SLC44A3: variants seen among roughly 807,000 people sequenced by gnomAD.
SLC44A3 encodes the protein choline transporter-like protein 3.
In SLC44A3, 74 loss-of-function variants were observed where a neutral mutation model predicts 75.4. The observed-to-expected ratio is 0.98, with a 90% CI of 0.81 to 1.19. The LOEUF (loss-of-function observed/expected upper bound fraction) is 1.19. Among genes scored for constraint, SLC44A3 ranks in the 50% most tolerant of loss-of-function variants. SLC44A3 has a pLI of 0.00. For synonymous variants in SLC44A3, 310 were observed against 296.9 expected (o/e 1.04, Z -0.45); for missense variants, 700 against 778.6 (o/e 0.90, Z 1.20).
rs199881016 is a variant in SLC44A3, at chr1:94,842,044, G to A, written c.805G>A (p.Asp269Asn). The A allele has an allele frequency of 2.4e-4, 385 of 1,613,212 alleles. 3 individuals are homozygous for A. Among genetic ancestry groups the A allele is most frequent in the Non-Finnish European group, 2.3e-5 (27 of 1,179,730 alleles). The change falls in exon 8 of 15, where the codon GAC (aspartate) becomes AAC (asparagine). Residue 269 changes from aspartate (D) to asparagine (N), a missense_variant. Transcript: ENST00000271227. ...LWWLYYDYTN[D>N]LSIELDTERE... ...GTGGCTGTATTATGACTATACCAAC[G>A]ACCTCAGCATAGAATTGGACACAGA...
At position 94,839,833 on chromosome 1, in the gene SLC44A3, T is replaced by C. The variant is rs183952815; in HGVS notation, c.671-115T>C. The C allele has an allele frequency of 6.2e-5, 47 of 761,648 alleles. 2 individuals are homozygous for C. The highest frequency in any genetic ancestry group is 5.7e-4 in the Admixed American group (28 of 48,840). 47.2% of individuals were successfully genotyped at this position (761,648 alleles called of 1,614,324 possible). Reference sequence around the variant, plus strand: ...GTAGATATCCCAAGATATTTAGAGATTGAATACAATCCTCAGCCGTCACTG... The same window carrying C: ...GTAGATATCCCAAGATATTTAGAGACTGAATACAATCCTCAGCCGTCACTG... On this transcript the variant is annotated intron_variant, in intron 6 of 14. Coordinates refer to ENST00000271227, the MANE Select transcript of SLC44A3 (RefSeq NM_001114106.3).
intron 14 of SLC44A3, 115 bp downstream of exon 14, chr1:94,892,632 G>A: frequency 9.6e-7 from 1 of 1,038,614 alleles, no homozygotes. Flanking sequence ...AGAGGGCTCT[G>A]AGGCTTCTAC....
At chr1:94,845,185 G>T (rs918147941) in intron 8 of SLC44A3, 93 bp from the exon 9 acceptor site, 218 of 1,302,954 alleles carry the variant, frequency 1.7e-4, no homozygotes, top group Non-Finnish European at 2.0e-4. Context: ...AGAGCTGTTT[G>T]CTGAGATGTC....
chr1:94,886,626 TG>T (rs962678874), intron 12 of SLC44A3, among the ~76,000 whole-genome samples: 1 of 152,134 alleles, frequency 6.6e-6, no homozygotes, highest in Non-Finnish European at 1.5e-5. Context: ...CTCCAGCTTG[TG>T]GTTCTGCTCT....
At chr1:94,857,809 C>CTTTTTTTTTTTT (rs34204401) in intron 10 of SLC44A3, among the ~76,000 whole-genome samples, 1 of 63,966 alleles carries the variant, frequency 1.6e-5, no homozygotes, top group Non-Finnish European at 3.0e-5. Flanking sequence ...ATGGAGTAGC[C>CTTTTTTTTTTTT]TTTTTTTTTT....
intron 5 of SLC44A3, among the ~76,000 whole-genome samples, chr1:94,833,660 C>A (rs1234685654): frequency 6.6e-6 from 1 of 152,086 alleles, no homozygotes; most frequent in Non-Finnish European, 1.5e-5. Context: ...GTGGCTCAGA[C>A]CTTAAGCCAG....
chr1:94,877,889 G>T (rs6659359), intron 12 of SLC44A3, among the ~76,000 whole-genome samples: 16,480 of 152,034 alleles, frequency 0.11, 1,031 homozygotes, highest in African/African-American at 0.17. Context: ...GTGGAGAGGG[G>T]TGCTCTGGGT....
At chr1:94,856,826 G>T (rs1665933231) in intron 9 of SLC44A3, among the ~76,000 whole-genome samples, 1 of 152,072 alleles carries the variant, frequency 6.6e-6, no homozygotes, top group Non-Finnish European at 1.5e-5. Context: ...CGCCTCCCAG[G>T]TTCAAGAGAT....
chr1:94,865,489 A>G (rs1327916946), intron 11 of SLC44A3, among the ~76,000 whole-genome samples: 1 of 152,154 alleles, frequency 6.6e-6, no homozygotes, highest in East Asian at 1.9e-4. Flanking sequence ...GCTGACCTAC[A>G]TCTCAGCTCA....
intron 12 of SLC44A3, among the ~76,000 whole-genome samples, chr1:94,885,473 G>A (rs1426313703): frequency 2.0e-5 from 3 of 152,144 alleles, no homozygotes. Flanking sequence ...GAGGCAACAT[G>A]ACTGGAATCC....
Position 94,892,388 on chromosome 1 carries a change from C to T in SLC44A3, c.1728C>T (p.Tyr576=), listed in dbSNP as rs372276610. 1.9e-6 allele frequency: 3 copies of T among 1,614,158 alleles called. No homozygotes were observed. Among genetic ancestry groups the T allele is most frequent in the African/African-American group, 1.3e-5 (1 of 75,034 alleles). ...VPLLLVAFFA[Y]LVAHSFLSVF... is the part of the protein sequence containing the mutation. ...TGTTATTGGTAGCTTTTTTTGCCTA[C>T]TTAGTAGCCCATAGTTTTTTATCTG... Residue 576 remains tyrosine, a synonymous_variant, in exon 14 of 15, where the codon TAC becomes TAT. Coordinates refer to ENST00000271227, the MANE Select transcript of SLC44A3 (RefSeq NM_001114106.3).
At chr1:94,828,008 A>C (rs1484470155) in intron 4 of SLC44A3, among the ~76,000 whole-genome samples, 1 of 152,202 alleles carries the variant, frequency 6.6e-6, no homozygotes, top group East Asian at 1.9e-4. Flanking sequence ...ATGTACGTGC[A>C]GGCTGCGCGT....
chr1:94,892,581 C>T, intron 14 of SLC44A3, 64 bp downstream of exon 14: 1 of 1,492,590 alleles, frequency 6.7e-7, no homozygotes, highest in Non-Finnish European at 9.3e-7. Flanking sequence ...TTTTGTAAAG[C>T]TGCACACACG....
In SLC44A3 at chr1:94,842,758, G is replaced by A. The variant is rs1441733245; in HGVS notation, c.885+634G>A. 4.6e-5 allele frequency among the ~76,000 whole-genome samples: 7 copies of A among 152,336 alleles called. No homozygotes were observed. In the East Asian group the frequency reaches 7.7e-4, roughly 17 times the overall value. The stretch of plus-strand genomic sequence containing the variant: ...CACTGGCTTCAGGTCCCCCAGAGTC[G>A]TCGTTGCTGGTGTGTTGCTTACTGA... On this transcript the variant is annotated intron_variant, in intron 8 of 14. Coordinates refer to ENST00000271227, the MANE Select transcript of SLC44A3 (RefSeq NM_001114106.3).
chr1:94,859,530 GA>G (rs1452531026), intron 10 of SLC44A3, among the ~76,000 whole-genome samples: 1 of 152,230 alleles, frequency 6.6e-6, no homozygotes. Flanking sequence ...GTGAGCCACA[GA>G]ATCCCAGAGA....
intron 12 of SLC44A3, among the ~76,000 whole-genome samples, chr1:94,871,966 G>A (rs367930242): frequency 8.2e-4 from 125 of 152,318 alleles, no homozygotes; most frequent in Non-Finnish European, 1.2e-3. Context: ...ATGCACACAC[G>A]TAGACAGTTG....
intron 14 of SLC44A3, among the ~76,000 whole-genome samples, chr1:94,893,817 G>A (rs915404950): frequency 6.6e-5 from 10 of 151,644 alleles, no homozygotes; most frequent in Non-Finnish European, 1.3e-4. Flanking sequence ...CTTGAAATCC[G>A]GGCACTATGG....
At chr1:94,820,671 G>A (rs890393989) in intron 1 of SLC44A3, 193 bp downstream of exon 1, 1 of 1,382,516 alleles carries the variant, frequency 7.2e-7, no homozygotes, top group Non-Finnish European at 9.3e-7. Context: ...GGAGGCGGGG[G>A]AGACGCGGGC....
At chr1:94,866,698 AG>A (rs1481172253) in intron 11 of SLC44A3, among the ~76,000 whole-genome samples, 5 of 152,170 alleles carry the variant, frequency 3.3e-5, no homozygotes, top group African/African-American at 7.2e-5. Flanking sequence ...GATTGTTTTC[AG>A]GGATGTGTTC....
Sources: gnomAD v4.1 joint callset for allele counts (sites outside exome capture counted in the v4.1 genomes callset) on GRCh38, gnomAD v4.1.1 for gene constraint, MANE v1.5 for transcripts, NCBI Gene and HGNC (gene_info 2026-07-23, HGNC 2026-07-21) for gene names.